EFNA5: variants seen among roughly 807,000 people sequenced by gnomAD.
EFNA5 encodes the protein ephrin A5.
EFNA5 carries 5 observed loss-of-function variants against 22.9 expected under a neutral mutation model. The ratio of observed to expected loss-of-function variants is 0.22; its 90% confidence interval spans 0.11 to 0.46. The LOEUF (loss-of-function observed/expected upper bound fraction) is 0.46. EFNA5 is among the 20% of genes least tolerant of loss of function. EFNA5 has a pLI of 0.99. For synonymous variants in EFNA5, 113 were observed against 112.2 expected (o/e 1.01, Z -0.04); for missense variants, 237 against 293.3 (o/e 0.81, Z 1.40).
At chr5:107,447,625 C>T (rs971623511) in intron 1 of EFNA5, among the ~76,000 whole-genome samples, 1 of 152,050 alleles carries the variant, frequency 6.6e-6, no homozygotes, top group Non-Finnish European at 1.5e-5. Context: ...TAGTAAACAG[C>T]AAAAGACTTC....
At chr5:107,532,388 G>T (rs370088968) in intron 1 of EFNA5, among the ~76,000 whole-genome samples, 1 of 152,226 alleles carries the variant, frequency 6.6e-6, no homozygotes, top group Non-Finnish European at 1.5e-5. Context: ...TGACTGCCCA[G>T]TGAAACTGCA....
Position 107,476,208 on chromosome 5 carries a change from C to T in EFNA5, c.126-48699G>A, listed in dbSNP as rs936520452. Among the ~76,000 whole-genome samples the T allele has an allele frequency of 2.7e-5, 4 of 149,962 alleles. No individual in the cohort carries two copies. In the East Asian group the frequency reaches 5.9e-4, roughly 22 times the overall value. ...CTGGGGTTACAGGCACCTGCCACCA[C>T]GCCCAGCTAATTTTTTGTGTTTTTA... is the stretch of plus-strand genomic sequence containing the variant. On this transcript the variant is annotated intron_variant, in intron 1 of 4. Transcript: ENST00000333274.
chr5:107,641,021 T>TAGACAGAC lies in EFNA5; in HGVS notation c.125+29460_125+29467dup, dbSNP rs1554070907. Among the ~76,000 whole-genome samples the TAGACAGAC allele has an allele frequency of 3.5e-3, 388 of 112,014 alleles. 2 individuals are homozygous for TAGACAGAC. The highest frequency in any genetic ancestry group is 6.7e-3 in the African/African-American group (222 of 33,048). 73.5% of individuals were successfully genotyped at this position (112,014 alleles called of 152,430 possible). On this transcript the variant is annotated intron_variant, in intron 1 of 4. Transcript: ENST00000333274. ...ATAGATAGATAGATAGATAGATAGA[T>TAGACAGAC]AGACAGACAGACAGACAGATAGATA... is the stretch of plus-strand genomic sequence containing the variant.
chr5:107,610,417 G>A (rs1045771710), intron 1 of EFNA5, among the ~76,000 whole-genome samples: 3 of 152,158 alleles, frequency 2.0e-5, no homozygotes, highest in Non-Finnish European at 2.9e-5. Flanking sequence ...TAAGCACATA[G>A]CACTTCGACT....
chr5:107,569,559 T>G (rs373528644), intron 1 of EFNA5, among the ~76,000 whole-genome samples: 13 of 42,528 alleles, frequency 3.1e-4, no homozygotes, highest in African/African-American at 1.3e-3. Context: ...ATATATATAT[T>G]TATATATATA....
In EFNA5 at chr5:107,377,755, T is replaced by C. The variant is rs182221213; in HGVS notation, c.*3500A>G. 6.6e-6 allele frequency: 1 copy of C among 152,268 alleles called. No homozygotes were observed. Among genetic ancestry groups the C allele is most frequent in the Non-Finnish European group, 1.5e-5 (1 of 68,044 alleles). The allele number at this position is 152,268 out of a possible 1,614,324, so 9.4% of individuals were successfully genotyped here. A position where few individuals can be genotyped will look rare whatever the true frequency, so the allele number is the denominator to read the frequency against. On this transcript the variant is annotated 3_prime_UTR_variant, in exon 5 of 5. Transcript: ENST00000333274. ...TCCTGGGAAAAAATAAAACAGTCCA[T>C]GAAAACAATCACAAACAGAAAACCA...
intron 1 of EFNA5, among the ~76,000 whole-genome samples, chr5:107,605,310 G>C (rs187247629): frequency 6.6e-6 from 1 of 152,092 alleles, no homozygotes; most frequent in East Asian, 1.9e-4. Flanking sequence ...GCATGATGCC[G>C]AGACCATAAC....
intron 1 of EFNA5, among the ~76,000 whole-genome samples, chr5:107,513,922 G>A (rs959709160): frequency 2.6e-5 from 4 of 152,164 alleles, no homozygotes; most frequent in Admixed American, 2.0e-4. Context: ...TTGCGAGGTA[G>A]GCCTGGGTCA....
At chr5:107,472,996 C>G (rs1424005862) in intron 1 of EFNA5, among the ~76,000 whole-genome samples, 1 of 152,096 alleles carries the variant, frequency 6.6e-6, no homozygotes, top group Non-Finnish European at 1.5e-5. Flanking sequence ...CAGTCTCCCT[C>G]CCCCCAGCAC....
chr5:107,661,750 T>C lies in EFNA5; in HGVS notation c.125+8739A>G, dbSNP rs544837874. On this transcript the variant is annotated intron_variant, in intron 1 of 4. Transcript: ENST00000333274. ...TAAGCACGTGAAGTTGTCTATACATTATTGAGTTCAGTAAATGTAACAAAG... is the reference window on the plus strand; with the variant it reads ...TAAGCACGTGAAGTTGTCTATACATCATTGAGTTCAGTAAATGTAACAAAG... Among the ~76,000 whole-genome samples, 253 of 152,340 alleles carry C rather than the reference T, an allele frequency of 1.7e-3. 2 individuals are homozygous for C. Among genetic ancestry groups the C allele is most frequent in the African/African-American group, 5.9e-3 (246 of 41,570 alleles).
At chr5:107,528,809 C>T (rs973189775) in intron 1 of EFNA5, among the ~76,000 whole-genome samples, 1 of 152,038 alleles carries the variant, frequency 6.6e-6, no homozygotes, top group African/African-American at 2.4e-5. Context: ...TTATTATAAG[C>T]AATAAATTGT....
At chr5:107,417,190 T>C (rs1748525523) in intron 2 of EFNA5, among the ~76,000 whole-genome samples, 2 of 152,158 alleles carry the variant, frequency 1.3e-5, no homozygotes, top group South Asian at 4.1e-4. Flanking sequence ...CTAACATTAA[T>C]GTAGATAAAG....
At chr5:107,500,022 T>G (rs1747094248) in intron 1 of EFNA5, among the ~76,000 whole-genome samples, 1 of 152,190 alleles carries the variant, frequency 6.6e-6, no homozygotes, top group African/African-American at 2.4e-5. Flanking sequence ...CAGAAAGGAA[T>G]CCACAGCACA....
intron 2 of EFNA5, among the ~76,000 whole-genome samples, chr5:107,394,229 C>G (rs1747861054): frequency 6.6e-6 from 1 of 152,188 alleles, no homozygotes; most frequent in South Asian, 2.1e-4. Context: ...ACCCCAGGAG[C>G]TACTAAATTT....
intron 2 of EFNA5, among the ~76,000 whole-genome samples, chr5:107,411,701 T>G (rs1748369834): frequency 6.6e-6 from 1 of 152,162 alleles, no homozygotes; most frequent in Admixed American, 6.5e-5. Context: ...TGGAGTGCAG[T>G]GGTGCAATCA....
intron 1 of EFNA5, among the ~76,000 whole-genome samples, chr5:107,571,219 C>T (rs1234210107): frequency 6.6e-6 from 1 of 152,186 alleles, no homozygotes; most frequent in Non-Finnish European, 1.5e-5. Context: ...GCTCCCGTGT[C>T]CGCCCCAGCC....
intron 1 of EFNA5, among the ~76,000 whole-genome samples, chr5:107,541,903 T>C (rs1748056629): frequency 6.6e-6 from 1 of 152,230 alleles, no homozygotes; most frequent in Non-Finnish European, 1.5e-5. Flanking sequence ...ATTTTTGTAT[T>C]GTAAATGTTT....
intron 1 of EFNA5, among the ~76,000 whole-genome samples, chr5:107,482,249 TGAGCCGAGGTCG>T (rs1293936083): frequency 2.0e-4 from 30 of 150,904 alleles, no homozygotes; most frequent in Admixed American, 6.0e-4. Context: ...GAGGTTGCAG[TGAGCCGAGGTCG>T]TGCCACTGTA....
chr5:107,515,726 C>T (rs1329235495), intron 1 of EFNA5, among the ~76,000 whole-genome samples: 1 of 152,114 alleles, frequency 6.6e-6, no homozygotes, highest in Non-Finnish European at 1.5e-5. Context: ...GCCTGGACTC[C>T]ACAAATCAAA....
Sources: gnomAD v4.1 joint callset for allele counts (sites outside exome capture counted in the v4.1 genomes callset) on GRCh38, gnomAD v4.1.1 for gene constraint, MANE v1.5 for transcripts, NCBI Gene and HGNC (gene_info 2026-07-23, HGNC 2026-07-21) for gene names.